The following MRTFB variants were observed in gnomAD, a reference collection of about 807,000 sequenced individuals.
The protein encoded by MRTFB is myocardin-related transcription factor B.
In MRTFB, 29 loss-of-function variants were observed where a neutral mutation model predicts 104.2. That is an observed-to-expected ratio of 0.28 (90% confidence interval 0.21 to 0.38). The LOEUF is 0.38. MRTFB is among the 10% of genes least tolerant of loss of function. The pLI is 1.00. For synonymous variants in MRTFB, 535 were observed against 519.5 expected (o/e 1.03, Z -0.41); for missense variants, 1,270 against 1,341.6 (o/e 0.95, Z 0.83).
At chr16:14,241,098 A>G (rs2042747656) in intron 10 of MRTFB, 1 of 337,630 alleles carries the variant, frequency 3.0e-6, no homozygotes, top group Non-Finnish European at 5.3e-6. Context: ...GAAGCTGGGC[A>G]GAAGACCTTA....
intron 2 of MRTFB, among the ~76,000 whole-genome samples, chr16:14,111,508 T>C (rs1354567406): frequency 2.0e-5 from 3 of 152,236 alleles, no homozygotes; most frequent in Non-Finnish European, 2.9e-5. Flanking sequence ...GAGAATCCAG[T>C]TGAAGTTGCT....
At chr16:14,028,042 T>C in the MRTFB span, among the ~76,000 whole-genome samples, 1 of 152,154 alleles carries the variant, frequency 6.6e-6, no homozygotes, top group Non-Finnish European at 1.5e-5. Context: ...TCAGGCATGG[T>C]GGTGCACACC....
At chr16:14,041,924 C>G in the MRTFB span, among the ~76,000 whole-genome samples, 2 of 151,712 alleles carry the variant, frequency 1.3e-5, no homozygotes, top group Non-Finnish European at 2.9e-5. Flanking sequence ...TAAACTCTGT[C>G]TCAAAAAAAA....
the MRTFB span, among the ~76,000 whole-genome samples, chr16:14,050,918 C>G: frequency 1.3e-5 from 2 of 152,132 alleles, no homozygotes; most frequent in Non-Finnish European, 2.9e-5. Context: ...CATCGAATTC[C>G]TGGCACCTTA....
chr16:14,119,918 C>G (rs959665129), intron 2 of MRTFB, among the ~76,000 whole-genome samples: 6 of 152,090 alleles, frequency 3.9e-5, no homozygotes, highest in Non-Finnish European at 7.4e-5. Context: ...CCAGATCATT[C>G]TCCAGAGCAG....
intron 3 of MRTFB, among the ~76,000 whole-genome samples, chr16:14,188,531 T>C (rs1475480320): frequency 6.6e-6 from 1 of 151,292 alleles, no homozygotes; most frequent in African/African-American, 2.4e-5. Context: ...CAAAATAGAG[T>C]TGTGATGGTT....
intron 8 of MRTFB, among the ~76,000 whole-genome samples, chr16:14,220,274 C>CAA (rs1182272897): frequency 6.6e-6 from 1 of 152,202 alleles, no homozygotes; most frequent in African/African-American, 2.4e-5. Context: ...GTCAAGTATG[C>CAA]AAGTAGATAC....
rs188662519 is a variant in MRTFB at position 14,113,443 on chromosome 16, G to A, written c.-63-27101G>A. On this transcript the variant is annotated intron_variant, in intron 2 of 16. Transcript: ENST00000571589. Reference sequence around the variant, plus strand: ...TGAGTTGAATGTAGAATGAATGAACGAATGGATCAGTAAACAGGTACAGGA... The same window carrying A: ...TGAGTTGAATGTAGAATGAATGAACAAATGGATCAGTAAACAGGTACAGGA... Among the ~76,000 whole-genome samples the A allele has an allele frequency of 4.4e-3, 665 of 152,346 alleles. 7 individuals carry two copies. Among genetic ancestry groups the A allele is most frequent in the Non-Finnish European group, 6.3e-3 (432 of 68,036 alleles).
rs1024245602 is a variant in MRTFB at position 14,149,454 on chromosome 16, A to T, written c.154+8694A>T. ...GCGATTCATAGCTACAAAATAGAAG[A>T]CCCTCTTTGACAGAAGCCTTGATCC... On this transcript the variant is annotated intron_variant, in intron 3 of 16. Coordinates refer to ENST00000571589, the MANE Select transcript of MRTFB (RefSeq NM_001308142.2). 3.3e-5 allele frequency: 5 copies of T among 152,294 alleles called. No individual in the cohort carries two copies. The South Asian group carries it at 6.2e-4, about 19-fold the overall frequency. The allele number at this position is 152,294 out of a possible 1,614,324, so 9.4% of individuals were successfully genotyped here. A position where few individuals can be genotyped will look rare whatever the true frequency, so the allele number is the denominator to read the frequency against.
At chr16:14,095,450 G>C (rs887733229) in intron 2 of MRTFB, among the ~76,000 whole-genome samples, 1 of 152,200 alleles carries the variant, frequency 6.6e-6, no homozygotes, top group Non-Finnish European at 1.5e-5. Context: ...GAGTTGTTCT[G>C]AGGATGAATG....
At chr16:14,156,556 G>C (rs555726825) in intron 3 of MRTFB, among the ~76,000 whole-genome samples, 15 of 152,158 alleles carry the variant, frequency 9.9e-5, no homozygotes, top group African/African-American at 3.6e-4. Context: ...AGAAGATACC[G>C]TGCTAGGGCC....
In MRTFB at chr16:14,178,510, C is replaced by T. The variant is rs1030447389; in HGVS notation, c.155-31733C>T. On this transcript the variant is annotated intron_variant, in intron 3 of 16. Coordinates refer to ENST00000571589, the MANE Select transcript of MRTFB (RefSeq NM_001308142.2). ...TGCTTTTGTTATTCTCTACCTTTGC[C>T]GTAACTCCCAAGATAGTAAAATAGG... Among the ~76,000 whole-genome samples the T allele has an allele frequency of 5.3e-5, 8 of 152,106 alleles. 1 individual carries two copies. Among genetic ancestry groups the T allele is most frequent in the Admixed American group, 5.2e-4 (8 of 15,272 alleles).
chr16:14,080,766 CTG>C (rs2034350527), intron 2 of MRTFB, among the ~76,000 whole-genome samples: 3 of 152,232 alleles, frequency 2.0e-5, no homozygotes, highest in East Asian at 3.9e-4. Flanking sequence ...ATTTGTCTTT[CTG>C]TGTCAGGCTT....
chr16:14,013,881 C>A, the MRTFB span, among the ~76,000 whole-genome samples: 2 of 152,328 alleles, frequency 1.3e-5, no homozygotes, highest in Admixed American at 6.5e-5. Flanking sequence ...ACTGGAGGAC[C>A]AAATTACCTC....
At chr16:14,210,040 T>G (rs924163163) in intron 3 of MRTFB, among the ~76,000 whole-genome samples, 1 of 152,254 alleles carries the variant, frequency 6.6e-6, no homozygotes, top group Non-Finnish European at 1.5e-5. Context: ...ATTTATACTG[T>G]GTAAACTTTA....
At chr16:14,166,690 G>T (rs2039254660) in intron 3 of MRTFB, among the ~76,000 whole-genome samples, 1 of 151,258 alleles carries the variant, frequency 6.6e-6, no homozygotes, top group Non-Finnish European at 1.5e-5. Flanking sequence ...CCCCCAGTGT[G>T]TGTTGTTCCC....
At chr16:14,126,597 C>G (rs747801294) in intron 2 of MRTFB, among the ~76,000 whole-genome samples, 3 of 152,170 alleles carry the variant, frequency 2.0e-5, no homozygotes, top group Non-Finnish European at 4.4e-5. Context: ...AATAATAACA[C>G]TAATTGCTGA....
chr16:14,132,669 A>G (rs944961363), intron 2 of MRTFB, among the ~76,000 whole-genome samples: 1 of 152,230 alleles, frequency 6.6e-6, no homozygotes, highest in African/African-American at 2.4e-5. Flanking sequence ...GAAAACTTAA[A>G]AAGACCCAGG....
At chr16:14,143,612 T>G (rs1194646960) in intron 3 of MRTFB, 1 of 151,954 alleles carries the variant, frequency 6.6e-6, no homozygotes, top group African/African-American at 2.4e-5. Flanking sequence ...CTGCACCCAG[T>G]AACTCGTCAT....
Sources: gnomAD v4.1 joint callset for allele counts (sites outside exome capture counted in the v4.1 genomes callset) on GRCh38, gnomAD v4.1.1 for gene constraint, MANE v1.5 for transcripts, NCBI Gene and HGNC (gene_info 2026-07-23, HGNC 2026-07-21) for gene names.